The following SEC13 variants were observed in gnomAD, a reference collection of about 807,000 sequenced individuals.
The protein encoded by SEC13 is SEC13 homolog, nuclear pore and COPII component, also known as protein SEC13 homolog.
A neutral mutation model predicts 49.2 loss-of-function variants in SEC13; 25 were observed. The ratio of observed to expected loss-of-function variants is 0.51; its 90% CI spans 0.37 to 0.71. The LOEUF (loss-of-function observed/expected upper bound fraction) is 0.71. Among genes scored for constraint, SEC13 ranks in the 30% least tolerant of loss-of-function variants. The probability of loss-of-function intolerance (pLI) is 0.00; values close to 1 mark genes in which losing one functional copy is unlikely to be tolerated. For missense variants in SEC13, 383 were observed against 417.6 expected (o/e 0.92, Z 0.72); for synonymous variants, 148 against 163.9 (o/e 0.90, Z 0.74).
At chr3:10,319,010 T>C (rs2059714314) in intron 1 of SEC13, 1 of 850,262 alleles carries the variant, frequency 1.2e-6, no homozygotes, top group Non-Finnish European at 1.8e-6. Context: ...CAGCGACTAT[T>C]TGCTGAATGA....
At chr3:10,312,237 A>G in intron 4 of SEC13, 139 bp from the exon 5 acceptor site, 1 of 1,397,036 alleles carries the variant, frequency 7.2e-7, no homozygotes, top group Non-Finnish European at 9.4e-7. Flanking sequence ...AACTTGGTCA[A>G]CTGAGGACAC....
chr3:10,304,204 G>A, intron 7 of SEC13, 32 bp from the exon 8 acceptor site: 1 of 1,610,970 alleles, frequency 6.2e-7, no homozygotes, highest in Non-Finnish European at 8.5e-7. Context: ...TCAGGAGGTG[G>A]AGTCAAGACT....
Position 10,304,042 on chromosome 3 carries a change from G to T in SEC13, c.839C>A (p.Ser280Tyr). 1 of 1,614,164 alleles carries T rather than the reference G, an allele frequency of 6.2e-7. No homozygotes were observed. Among genetic ancestry groups the T allele is most frequent in the Non-Finnish European group, 8.5e-7 (1 of 1,180,034 alleles). The change falls in exon 8 of 9, where the codon TCT becomes TAT. Residue 280 changes from serine (S) to tyrosine (Y), a missense_variant. Physicochemically the swap from Ser to Tyr is moderately radical, Grantham distance 144. Coordinates refer to ENST00000350697, the MANE Select transcript of SEC13 (RefSeq NM_183352.3). Reference protein sequence around the residue: ...WSITANILAVSGGDNKVTLWK... With the variant: ...WSITANILAVYGGDNKVTLWK... Reference sequence around the variant, plus strand: ...GGTATGTACCTTATTGTCTCCACCAGAGACAGCCAGGATGTTGGCTGTGAT... The same window carrying T: ...GGTATGTACCTTATTGTCTCCACCATAGACAGCCAGGATGTTGGCTGTGAT...
intron 2 of SEC13, among the ~76,000 whole-genome samples, chr3:10,317,591 C>T (rs1320045343): frequency 6.6e-6 from 1 of 152,072 alleles, no homozygotes; most frequent in Non-Finnish European, 1.5e-5. Context: ...GGTGGTTTGA[C>T]TGGGCTCTGC....
At chr3:10,303,964 C>G in intron 8 of SEC13, 62 bp downstream of exon 8, 1 of 1,584,324 alleles carries the variant, frequency 6.3e-7, no homozygotes, top group Non-Finnish European at 8.6e-7. Flanking sequence ...AGTGCCCTCT[C>G]TAGTGGGCGG....
At chr3:10,304,647 TG>T (rs1338549375) in intron 7 of SEC13, among the ~76,000 whole-genome samples, 2 of 152,214 alleles carry the variant, frequency 1.3e-5, no homozygotes, top group Non-Finnish European at 2.9e-5. Context: ...GGCTCACCCT[TG>T]GCCGTCCTTG....
chr3:10,304,571 C>G (rs1385371988), intron 7 of SEC13, among the ~76,000 whole-genome samples: 3 of 152,172 alleles, frequency 2.0e-5, no homozygotes, highest in Non-Finnish European at 4.4e-5. Context: ...TAGAACCAAA[C>G]CAAACAGGTT....
chr3:10,307,705 C>T (rs1043997327), intron 5 of SEC13, among the ~76,000 whole-genome samples: 2 of 152,206 alleles, frequency 1.3e-5, no homozygotes, highest in Admixed American at 6.5e-5. Flanking sequence ...CCCCCTACAA[C>T]ACATGGGCAT....
chr3:10,320,066 T>A (rs2059749715), intron 1 of SEC13, among the ~76,000 whole-genome samples: 1 of 151,958 alleles, frequency 6.6e-6, no homozygotes, highest in Admixed American at 6.6e-5. Context: ...CCTGGTATTA[T>A]CTGGTCCCTG....
In SEC13 at chr3:10,317,985, T is replaced by C. The variant is rs371956448; in HGVS notation, c.48+65A>G. On this transcript the variant is annotated intron_variant, in intron 2 of 8. Coordinates refer to ENST00000350697, the MANE Select transcript of SEC13 (RefSeq NM_183352.3). Reference sequence around the variant, plus strand: ...AGAAAGGGGTAATGAAAACCCCAAATTGCTTCCCTCCCACAAAAATGCCCA... The same window carrying C: ...AGAAAGGGGTAATGAAAACCCCAAACTGCTTCCCTCCCACAAAAATGCCCA... 5 of 1,137,582 alleles carry C rather than the reference T, an allele frequency of 4.4e-6. No homozygotes were observed. In the African/African-American group the frequency reaches 4.6e-5, roughly 10 times the overall value. The allele number at this position is 1,137,582 out of a possible 1,614,324, so 70.5% of individuals were successfully genotyped here.
rs1701308752 is a variant in SEC13, at chr3:10,312,114, G to A, written c.317-16C>T. 1.3e-6 allele frequency: 2 copies of A among 1,579,546 alleles called. No homozygotes were observed. Among genetic ancestry groups the A allele is most frequent in the African/African-American group, 1.3e-5 (1 of 74,112 alleles). ...ACCGAGTTCACTGCGGGAAGAGGGA[G>A]AGTGCAGTGAGCAAAGCAGGGAGAC... On this transcript the variant is annotated splice_polypyrimidine_tract_variant and intron_variant, in intron 4 of 8. Transcript: ENST00000350697.
intron 1 of SEC13, among the ~76,000 whole-genome samples, chr3:10,318,316 G>C (rs1701732134): frequency 6.6e-6 from 1 of 152,084 alleles, no homozygotes; most frequent in Non-Finnish European, 1.5e-5. Context: ...AATAATGCTA[G>C]TGTCGCAAGA....
Position 10,304,062 on chromosome 3 carries a change from T to A in SEC13, c.819A>T (p.Thr273=). ...CACCAGAGACAGCCAGGATGTTGGC[T>A]GTGATGGACCAGCTCACATGCCACA... ...DVVWHVSWSI[T]ANILAVSGGD... is the part of the protein sequence containing the mutation. The change falls in exon 8 of 9, where the codon ACA becomes ACT. Residue 273 remains threonine (T), a synonymous_variant. Transcript: ENST00000350697. 6.2e-7 allele frequency: 1 copy of A among 1,614,060 alleles called. No homozygotes were observed. Among genetic ancestry groups the A allele is most frequent in the East Asian group, 2.2e-5 (1 of 44,906 alleles).
intron 5 of SEC13, among the ~76,000 whole-genome samples, chr3:10,310,512 C>T (rs570336886): frequency 6.6e-6 from 1 of 151,980 alleles, no homozygotes; most frequent in Non-Finnish European, 1.5e-5. Flanking sequence ...ACAAAACAAA[C>T]CCAAAAAATC....
At position 10,312,518 on chromosome 3, in the gene SEC13, G is replaced by A. The variant is rs917460089; in HGVS notation, c.316+61C>T. 6.3e-6 allele frequency: 10 copies of A among 1,586,436 alleles called. No individual in the cohort carries two copies. The South Asian group carries it at 1.0e-4, about 16-fold the overall frequency. The stretch of plus-strand genomic sequence containing the variant: ...GGGCAGGGAGCCAGGGCTCCAGCCG[G>A]GACAGAGTCCTTTTTTACCCAGTGG... On this transcript the variant is annotated intron_variant, in intron 4 of 8. Transcript: ENST00000350697.
intron 5 of SEC13, among the ~76,000 whole-genome samples, chr3:10,309,872 A>G (rs1701141020): frequency 1.3e-5 from 2 of 151,834 alleles, no homozygotes; most frequent in African/African-American, 2.4e-5. Flanking sequence ...GTGTGGTGTT[A>G]AAAAACGTGG....
chr3:10,320,674 G>A, intron 1 of SEC13: 1 of 1,081,988 alleles, frequency 9.2e-7, no homozygotes. Context: ...TCTGTAAAGT[G>A]TTGAGAAGAA....
chr3:10,315,347 C>A lies in SEC13; in HGVS notation c.138G>T (p.Gly46=). The change falls in exon 3 of 9, where the codon GGG becomes GGT. Residue 46 remains glycine (G), a synonymous_variant. Coordinates refer to ENST00000350697, the MANE Select transcript of SEC13 (RefSeq NM_183352.3). ...SVKIFDVRNG[G]QILIADLRGH... The stretch of plus-strand genomic sequence containing the variant: ...CCCTGAGGTCGGCGATAAGGATCTG[C>A]CCTCCATTGCGCACATCAAAGATTT... 1 of 1,613,902 alleles carries A rather than the reference C, an allele frequency of 6.2e-7. No individual in the cohort carries two copies. Among genetic ancestry groups the A allele is most frequent in the Non-Finnish European group, 8.5e-7 (1 of 1,179,906 alleles).
At chr3:10,316,616 CTTATCT>C (rs1701622760) in intron 2 of SEC13, among the ~76,000 whole-genome samples, 1 of 152,188 alleles carries the variant, frequency 6.6e-6, no homozygotes, top group East Asian at 1.9e-4. Flanking sequence ...CTTCAGTTTC[CTTATCT>C]TTATTATTTA....
Sources: gnomAD v4.1 joint callset for allele counts (sites outside exome capture counted in the v4.1 genomes callset) on GRCh38, gnomAD v4.1.1 for gene constraint, MANE v1.5 for transcripts, NCBI Gene and HGNC (gene_info 2026-07-23, HGNC 2026-07-21) for gene names.